The following PCNX2 variants were observed in gnomAD, a reference collection of about 807,000 sequenced individuals.
The protein encoded by PCNX2 is pecanex 2.
PCNX2 carries 168 observed loss-of-function variants against 223.8 expected under a neutral mutation model. The ratio of observed to expected loss-of-function variants is 0.75; its 90% confidence interval spans 0.66 to 0.85. The LOEUF (loss-of-function observed/expected upper bound fraction) is 0.85. Among genes scored for constraint, PCNX2 ranks in the 40% least tolerant of loss-of-function variants. The pLI is 0.00. For missense variants in PCNX2, 2,507 were observed against 2,675.5 expected, an observed-to-expected ratio of 0.94 and a Z score of 1.39; for synonymous variants, 1,006 against 1,052.6, an observed-to-expected ratio of 0.96 and a Z score of 0.86.
chr1:233,103,822 A>G (rs181359246), intron 21 of PCNX2, among the ~76,000 whole-genome samples: 270 of 152,288 alleles, frequency 1.8e-3, no homozygotes, highest in Non-Finnish European at 3.1e-3. Context: ...GCTGGATCAT[A>G]TGGAAACTCT....
chr1:233,185,900 T>A (rs950882600), intron 15 of PCNX2, among the ~76,000 whole-genome samples: 2 of 152,162 alleles, frequency 1.3e-5, no homozygotes, highest in Admixed American at 1.3e-4. Context: ...CCCACAGGTT[T>A]TGAAATATTT....
Position 232,984,190 on chromosome 1 carries a change from G to T in PCNX2, c.*114C>A. On this transcript the variant is annotated 3_prime_UTR_variant, in exon 34 of 34. Coordinates refer to ENST00000258229, the MANE Select transcript of PCNX2 (RefSeq NM_014801.4). ...GAACAGCTCTCCTTTTCCACAGGAGGAGTCCCTCATGGATCGCGGTATTGG... is the reference window on the plus strand; with the variant it reads ...GAACAGCTCTCCTTTTCCACAGGAGTAGTCCCTCATGGATCGCGGTATTGG... 1.2e-6 allele frequency: 1 copy of T among 851,904 alleles called. No homozygotes were observed. The highest frequency in any genetic ancestry group is 4.3e-4 in the Middle Eastern group (1 of 2,302). The allele number at this position is 851,904 out of a possible 1,614,324, so 52.8% of individuals were successfully genotyped here.
Position 232,986,430 on chromosome 1 carries a change from G to A in PCNX2, c.5902C>T (p.Gln1968Ter). ...PILESRQTFL[Q>*]TSTSVHELAQ... ...AGCTCGTGCACTGAGGTGGACGTCT[G>A]GAGGAATGTTTGGCGGCTCTCTAAG... The change falls in exon 33 of 34, where the codon CAG (glutamine) becomes TAG (stop). Residue 1968 changes from glutamine (Q) to a stop codon, truncating the protein, a stop_gained. Coordinates refer to ENST00000258229, the MANE Select transcript of PCNX2 (RefSeq NM_014801.4). LOFTEE classifies it high-confidence loss of function. The A allele has an allele frequency of 6.2e-7, 1 of 1,607,416 alleles. No individual in the cohort carries two copies. Among genetic ancestry groups the A allele is most frequent in the Non-Finnish European group, 8.5e-7 (1 of 1,176,962 alleles).
At chr1:233,164,407 C>G (rs1678670853) in intron 17 of PCNX2, among the ~76,000 whole-genome samples, 1 of 152,016 alleles carries the variant, frequency 6.6e-6, no homozygotes, top group Admixed American at 6.6e-5. Context: ...GAAAACGGAA[C>G]TACCATATGA....
At chr1:233,279,978 A>G (rs1464398773) in intron 1 of PCNX2, among the ~76,000 whole-genome samples, 1 of 152,084 alleles carries the variant, frequency 6.6e-6, no homozygotes. Context: ...TATCTTTTGA[A>G]TGTGTCTTTT....
At chr1:233,148,120 T>C (rs1677572410) in intron 19 of PCNX2, among the ~76,000 whole-genome samples, 1 of 152,140 alleles carries the variant, frequency 6.6e-6, no homozygotes, top group South Asian at 2.1e-4. Flanking sequence ...CTGCTTTCCA[T>C]GGATTAATTC....
intron 1 of PCNX2, among the ~76,000 whole-genome samples, chr1:233,282,477 C>T (rs1191969284): frequency 6.6e-6 from 1 of 152,190 alleles, no homozygotes; most frequent in African/African-American, 2.4e-5. Flanking sequence ...ACTAGGTGTT[C>T]GGTTTCCCTA....
chr1:233,307,244 G>C, the PCNX2 span, among the ~76,000 whole-genome samples: 2 of 152,170 alleles, frequency 1.3e-5, no homozygotes, highest in African/African-American at 4.8e-5. Flanking sequence ...GATCCCCAAC[G>C]GTGGAGGTGG....
chr1:233,068,810 C>T (rs1310996989), intron 23 of PCNX2, among the ~76,000 whole-genome samples: 1 of 151,608 alleles, frequency 6.6e-6, no homozygotes, highest in Non-Finnish European at 1.5e-5. Context: ...ACAAACAGAG[C>T]AAACAAAACA....
At chr1:233,054,976 A>C (rs1322153370) in intron 24 of PCNX2, among the ~76,000 whole-genome samples, 3 of 152,226 alleles carry the variant, frequency 2.0e-5, no homozygotes, top group Non-Finnish European at 4.4e-5. Context: ...AGAATAATGC[A>C]TTCATCTGTT....
chr1:233,314,300 A>G, the PCNX2 span, among the ~76,000 whole-genome samples: 2 of 152,196 alleles, frequency 1.3e-5, no homozygotes, highest in African/African-American at 4.8e-5. Context: ...GAAAGATACA[A>G]ATTAAATTCT....
chr1:233,074,726 C>A (rs535876305), intron 23 of PCNX2, among the ~76,000 whole-genome samples: 1 of 146,252 alleles, frequency 6.8e-6, no homozygotes, highest in Non-Finnish European at 1.5e-5. Flanking sequence ...CAAAATTCAA[C>A]AGTAGAAAAA....
rs1680697709 is a variant in PCNX2 at position 233,195,864 on chromosome 1, A to C, written c.3066+3075T>G. 2.0e-5 allele frequency among the ~76,000 whole-genome samples: 3 copies of C among 152,210 alleles called. No individual in the cohort carries two copies. In the South Asian group the frequency reaches 6.2e-4, roughly 31 times the overall value. ...GTCAGTTCTCCCCAAATTGATCTAC[A>C]AATTCATCATAATCCCAACGAAAAT... is the stretch of plus-strand genomic sequence containing the variant. On this transcript the variant is annotated intron_variant, in intron 15 of 33. Transcript: ENST00000258229.
chr1:233,236,124 A>C (rs1489533166), intron 9 of PCNX2, among the ~76,000 whole-genome samples: 1 of 151,912 alleles, frequency 6.6e-6, no homozygotes, highest in Non-Finnish European at 1.5e-5. Context: ...ATCTGTACCA[A>C]TGGAAACCAA....
In PCNX2 at chr1:233,041,999, AG is replaced by A. The variant is rs201739402; in HGVS notation, c.4351+12268del. On this transcript the variant is annotated intron_variant, in intron 25 of 33. Transcript: ENST00000258229. ...AAAATTGCCTTCATGCTATGGATAT[AG>A]GGTTTATAAGAAACATAGATGCATT... Among the ~76,000 whole-genome samples, 1,262 of 152,366 alleles carry A rather than the reference AG, an allele frequency of 8.3e-3. 18 individuals are homozygous for A. The highest frequency in any genetic ancestry group is 0.028 in the African/African-American group (1,162 of 41,586).
chr1:233,137,153 C>A (rs1676852937), intron 20 of PCNX2, among the ~76,000 whole-genome samples: 2 of 152,198 alleles, frequency 1.3e-5, no homozygotes, highest in African/African-American at 4.8e-5. Context: ...GGATTCCTGG[C>A]CAGGACCCCA....
At chr1:233,057,971 G>C (rs1672253313) in intron 23 of PCNX2, 1 of 985,052 alleles carries the variant, frequency 1.0e-6, no homozygotes, top group African/African-American at 1.7e-5. Flanking sequence ...ATGGTGGTGA[G>C]TAGTCAACGT....
the PCNX2 span, among the ~76,000 whole-genome samples, chr1:233,305,857 A>G: frequency 2.6e-5 from 4 of 152,234 alleles, no homozygotes; most frequent in Admixed American, 2.6e-4. Flanking sequence ...GAAAAACAAA[A>G]ACACACATGA....
chr1:233,191,135 A>G (rs1680398060), intron 15 of PCNX2, among the ~76,000 whole-genome samples: 1 of 152,216 alleles, frequency 6.6e-6, no homozygotes, highest in Non-Finnish European at 1.5e-5. Context: ...TTGTGTAACA[A>G]TCCATGAATG....
Sources: allele counts gnomAD v4.1 joint callset (sites outside exome capture counted in the v4.1 genomes callset), GRCh38; gene constraint gnomAD v4.1.1; transcripts MANE v1.5; gene names NCBI Gene and HGNC (gene_info 2026-07-23, HGNC 2026-07-21).